The following ZBTB7C variants were observed in gnomAD, a reference collection of about 807,000 sequenced individuals.
ZBTB7C encodes the protein zinc finger and BTB domain-containing protein 7C.
ZBTB7C carries 8 observed loss-of-function variants against 25.7 expected under a neutral mutation model. The ratio of observed to expected loss-of-function variants is 0.31; its 90% CI spans 0.18 to 0.56. The LOEUF is 0.56. Ranked by LOEUF, ZBTB7C falls within the 20% of genes least tolerant of loss-of-function variation. The pLI is 0.91. For missense variants in ZBTB7C, 824 were observed against 855.2 expected, an observed-to-expected ratio of 0.96 and a Z score of 0.46; for synonymous variants, 394 against 369.0, an observed-to-expected ratio of 1.07 and a Z score of -0.78.
chr18:48,037,586 G>T (rs2036029473), intron 4 of ZBTB7C, among the ~76,000 whole-genome samples: 2 of 152,254 alleles, frequency 1.3e-5, no homozygotes, highest in African/African-American at 4.8e-5. Context: ...CTCACAGAAG[G>T]CTGTGCGTGG....
chr18:48,054,158 T>C (rs1250266403), intron 3 of ZBTB7C, among the ~76,000 whole-genome samples: 1 of 152,140 alleles, frequency 6.6e-6, no homozygotes, highest in Non-Finnish European at 1.5e-5. Flanking sequence ...GGCAGGGGCC[T>C]CATGAGCATT....
chr18:48,259,151 T>C (rs2044099746), intron 2 of ZBTB7C, among the ~76,000 whole-genome samples: 1 of 152,160 alleles, frequency 6.6e-6, no homozygotes, highest in African/African-American at 2.4e-5. Flanking sequence ...GGTTTCACCA[T>C]GTTGCCCAGG....
chr18:48,248,412 C>T (rs997739494), intron 2 of ZBTB7C, among the ~76,000 whole-genome samples: 2 of 152,120 alleles, frequency 1.3e-5, no homozygotes, highest in Non-Finnish European at 2.9e-5. Flanking sequence ...TTTCTGTTCC[C>T]TCTGTCATCT....
At chr18:48,233,545 C>T (rs1401997936) in intron 2 of ZBTB7C, among the ~76,000 whole-genome samples, 1 of 152,260 alleles carries the variant, frequency 6.6e-6, no homozygotes, top group Admixed American at 6.5e-5. Context: ...TTACTGCCTA[C>T]ATTACTGCCC....
At chr18:48,389,023 A>AC (rs1304489507) in intron 1 of ZBTB7C, among the ~76,000 whole-genome samples, 2 of 152,138 alleles carry the variant, frequency 1.3e-5, no homozygotes, top group East Asian at 1.9e-4. Flanking sequence ...CTTTATTTGG[A>AC]CCAGGTTCCA....
chr18:48,167,770 C>T (rs764685493), intron 3 of ZBTB7C, among the ~76,000 whole-genome samples: 2 of 152,202 alleles, frequency 1.3e-5, no homozygotes, highest in Non-Finnish European at 2.9e-5. Flanking sequence ...AACACAGCAG[C>T]CACAGGGTTT....
At position 48,173,383 on chromosome 18, in the gene ZBTB7C, G is replaced by A. The variant is rs144189774; in HGVS notation, c.-17+12551C>T. Reference sequence around the variant, plus strand: ...TGGCATAATTTCTTAAAGTCCTGCAGTGGTTTCCCAGGACCTTCAGGATAA... The same window carrying A: ...TGGCATAATTTCTTAAAGTCCTGCAATGGTTTCCCAGGACCTTCAGGATAA... On this transcript the variant is annotated intron_variant, in intron 3 of 4. Transcript: ENST00000590800. Among the ~76,000 whole-genome samples, 88 of 152,242 alleles carry A rather than the reference G, an allele frequency of 5.8e-4. 1 individual carries two copies. Among genetic ancestry groups the A allele is most frequent in the Middle Eastern group, 6.8e-3 (2 of 294 alleles).
chr18:48,167,491 C>T (rs1429459553), intron 3 of ZBTB7C, among the ~76,000 whole-genome samples: 4 of 151,992 alleles, frequency 2.6e-5, no homozygotes, highest in East Asian at 3.9e-4. Context: ...TCAAAGGCAA[C>T]CAGACTCAGC....
At chr18:48,397,841 C>T (rs550348549) in intron 1 of ZBTB7C, among the ~76,000 whole-genome samples, 1 of 152,320 alleles carries the variant, frequency 6.6e-6, no homozygotes, top group East Asian at 1.9e-4. Context: ...ACGTCTTGGG[C>T]TTCTCCTGAT....
At chr18:48,288,075 T>A (rs990562799) in intron 2 of ZBTB7C, among the ~76,000 whole-genome samples, 1 of 152,072 alleles carries the variant, frequency 6.6e-6, no homozygotes, top group Non-Finnish European at 1.5e-5. Flanking sequence ...CAAAAAGAAA[T>A]AAAGAACATA....
intron 2 of ZBTB7C, among the ~76,000 whole-genome samples, chr18:48,274,304 G>T (rs927776182): frequency 2.0e-5 from 3 of 152,178 alleles, no homozygotes; most frequent in African/African-American, 7.2e-5. Context: ...TGTTAAATCA[G>T]ATATTTTGAA....
intron 1 of ZBTB7C, among the ~76,000 whole-genome samples, chr18:48,407,677 T>A (rs921522639): frequency 2.6e-5 from 4 of 152,220 alleles, no homozygotes; most frequent in Non-Finnish European, 5.9e-5. Flanking sequence ...AAATGAGTGC[T>A]CCTAATATCT....
chr18:48,032,610 G>A (rs2035811602), intron 4 of ZBTB7C, among the ~76,000 whole-genome samples: 1 of 149,908 alleles, frequency 6.7e-6, no homozygotes, highest in Non-Finnish European at 1.5e-5. Flanking sequence ...AATTTTTTTT[G>A]TATTTTTAAT....
intron 1 of ZBTB7C, among the ~76,000 whole-genome samples, chr18:48,374,930 G>A (rs372400651): frequency 2.0e-5 from 3 of 152,016 alleles, no homozygotes; most frequent in African/African-American, 4.8e-5. Flanking sequence ...TCATACTGGC[G>A]GAATATCCTG....
intron 3 of ZBTB7C, among the ~76,000 whole-genome samples, chr18:48,145,714 A>T (rs928727272): frequency 2.0e-5 from 3 of 152,218 alleles, no homozygotes; most frequent in African/African-American, 7.2e-5. Flanking sequence ...TCAGAATAAA[A>T]GGTGAAATAG....
chr18:48,235,918 T>C (rs2043367048), intron 2 of ZBTB7C, among the ~76,000 whole-genome samples: 1 of 152,216 alleles, frequency 6.6e-6, no homozygotes, highest in Non-Finnish European at 1.5e-5. Flanking sequence ...TCTTTTCATT[T>C]ATCTTTATGA....
chr18:48,122,926 C>T (rs141553730), intron 3 of ZBTB7C, among the ~76,000 whole-genome samples: 3 of 152,336 alleles, frequency 2.0e-5, no homozygotes, highest in Non-Finnish European at 2.9e-5. Flanking sequence ...ACTCCCAACA[C>T]ACACAAGAAA....
chr18:48,114,708 A>G (rs942646057), intron 3 of ZBTB7C, among the ~76,000 whole-genome samples: 1 of 152,200 alleles, frequency 6.6e-6, no homozygotes, highest in African/African-American at 2.4e-5. Flanking sequence ...ACATCACAGT[A>G]TATTCATTGG....
intron 1 of ZBTB7C, among the ~76,000 whole-genome samples, chr18:48,407,518 G>A (rs1417908434): frequency 6.6e-6 from 1 of 152,166 alleles, no homozygotes; most frequent in Non-Finnish European, 1.5e-5. Flanking sequence ...TGTGGGGGTG[G>A]CATTTCTGAT....
Sources: allele counts gnomAD v4.1 joint callset (sites outside exome capture counted in the v4.1 genomes callset), GRCh38; gene constraint gnomAD v4.1.1; transcripts MANE v1.5; gene names NCBI Gene and HGNC (gene_info 2026-07-23, HGNC 2026-07-21).